The following LDAH variants were observed in gnomAD, a reference collection of about 807,000 sequenced individuals.
LDAH encodes lipid droplet associated hydrolase.
A neutral mutation model predicts 29.6 loss-of-function variants in LDAH; 26 were observed. The observed-to-expected ratio is 0.88, with a 90% confidence interval of 0.64 to 1.22. The LOEUF (loss-of-function observed/expected upper bound fraction) is 1.22. LDAH is among the 50% of genes most tolerant of loss of function. The probability of loss-of-function intolerance (pLI) is 0.00; values close to 1 mark genes in which losing one functional copy is unlikely to be tolerated. For missense variants in LDAH, 344 were observed against 387.3 expected (o/e 0.89, Z 0.94); for synonymous variants, 117 against 133.0 (o/e 0.88, Z 0.83).
At chr2:20,748,449 T>C (rs1434783754) in intron 4 of LDAH, among the ~76,000 whole-genome samples, 1 of 152,208 alleles carries the variant, frequency 6.6e-6, no homozygotes, top group East Asian at 1.9e-4. Flanking sequence ...TTCTCAAGCT[T>C]TTATCATTTT....
At chr2:20,817,578 T>C (rs1466682529) in intron 1 of LDAH, among the ~76,000 whole-genome samples, 2 of 152,148 alleles carry the variant, frequency 1.3e-5, no homozygotes, top group African/African-American at 4.8e-5. Context: ...TTAAAATCAA[T>C]GTAACTCACC....
At chr2:20,751,372 T>A (rs562714777) in intron 4 of LDAH, among the ~76,000 whole-genome samples, 1 of 152,292 alleles carries the variant, frequency 6.6e-6, no homozygotes, top group Non-Finnish European at 1.5e-5. Context: ...TTCCAGTTAG[T>A]CCTCCTATAG....
chr2:20,720,137 A>T (rs370227142), intron 5 of LDAH, among the ~76,000 whole-genome samples: 31 of 152,284 alleles, frequency 2.0e-4, no homozygotes, highest in African/African-American at 7.5e-4. Context: ...AAAGAAACAA[A>T]GAGTATCCAA....
chr2:20,736,544 G>A (rs970676202), intron 5 of LDAH, among the ~76,000 whole-genome samples: 4 of 152,124 alleles, frequency 2.6e-5, no homozygotes, highest in Non-Finnish European at 5.9e-5. Context: ...CCCTAAAGAT[G>A]TGTCTTGGGC....
chr2:20,785,672 T>C (rs2125056097), intron 3 of LDAH, among the ~76,000 whole-genome samples: 1 of 152,348 alleles, frequency 6.6e-6, no homozygotes, highest in South Asian at 2.1e-4. Flanking sequence ...CTTTTGAAAT[T>C]GTCCCACAAC....
intron 4 of LDAH, among the ~76,000 whole-genome samples, chr2:20,756,830 A>C (rs1668376283): frequency 6.6e-6 from 1 of 152,252 alleles, no homozygotes; most frequent in Non-Finnish European, 1.5e-5. Flanking sequence ...AAAAAGGATA[A>C]ATAGTCCAAG....
At chr2:20,739,668 T>A (rs1667035209) in intron 5 of LDAH, among the ~76,000 whole-genome samples, 1 of 152,198 alleles carries the variant, frequency 6.6e-6, no homozygotes, top group Admixed American at 6.5e-5. Context: ...ACACCAAGGA[T>A]TCCTGTAGGG....
intron 2 of LDAH, among the ~76,000 whole-genome samples, chr2:20,791,935 C>A (rs1243621079): frequency 6.6e-6 from 1 of 152,086 alleles, no homozygotes; most frequent in Admixed American, 6.6e-5. Flanking sequence ...CCAAATAATT[C>A]AGTTTATTTT....
At chr2:20,761,999 T>C (rs1668723991) in intron 4 of LDAH, among the ~76,000 whole-genome samples, 1 of 151,964 alleles carries the variant, frequency 6.6e-6, no homozygotes, top group African/African-American at 2.4e-5. Context: ...ACCACTAAAT[T>C]CATTTTATAA....
Position 20,701,575 on chromosome 2 carries a change from A to T in LDAH, c.781T>A (p.Cys261Ser). ...TGCAGCACTAAAGTGATTACCTTACATAAATGCTCCTTTATGGTTTCGTCA... is the reference window on the plus strand; with the variant it reads ...TGCAGCACTAAAGTGATTACCTTACTTAAATGCTCCTTTATGGTTTCGTCA... ...RDDETIKEHL[C>S]KLTFYYGTID... The change falls in exon 6 of 7, where the codon TGT (cysteine) becomes AGT (serine). Residue 261 changes from cysteine (C) to serine (S), a missense_variant. Cys to Ser is a moderately radical substitution (Grantham distance 112). Coordinates refer to ENST00000237822, the MANE Select transcript of LDAH (RefSeq NM_021925.4). 1 of 1,613,942 alleles carries T rather than the reference A, an allele frequency of 6.2e-7. No individual in the cohort carries two copies. Among genetic ancestry groups the T allele is most frequent in the Non-Finnish European group, 8.5e-7 (1 of 1,179,880 alleles).
chr2:20,803,604 C>T (rs570659697), intron 1 of LDAH, among the ~76,000 whole-genome samples: 7 of 152,286 alleles, frequency 4.6e-5, no homozygotes, highest in East Asian at 1.9e-4. Context: ...GTGGCCCTGC[C>T]GCACTGCCCT....
chr2:20,760,449 A>G (rs938205081), intron 4 of LDAH, among the ~76,000 whole-genome samples: 6 of 152,222 alleles, frequency 3.9e-5, no homozygotes, highest in African/African-American at 7.2e-5. Context: ...TCAGGAGTCC[A>G]GGCCTAGCTT....
At chr2:20,786,031 T>A (rs1361590397) in intron 3 of LDAH, among the ~76,000 whole-genome samples, 1 of 152,216 alleles carries the variant, frequency 6.6e-6, no homozygotes, top group Non-Finnish European at 1.5e-5. Context: ...TGATGCTTGC[T>A]TTGTCTCTTC....
chr2:20,753,484 T>C (rs1200771844), intron 4 of LDAH, among the ~76,000 whole-genome samples: 1 of 152,252 alleles, frequency 6.6e-6, no homozygotes, highest in African/African-American at 2.4e-5. Flanking sequence ...TTTTACAACA[T>C]ACAAAATAAA....
intron 4 of LDAH, among the ~76,000 whole-genome samples, chr2:20,763,573 C>T (rs951208018): frequency 6.6e-6 from 1 of 152,186 alleles, no homozygotes; most frequent in Non-Finnish European, 1.5e-5. Context: ...TTACTTACAA[C>T]TACAGTACTC....
chr2:20,813,870 G>A (rs1052650464), intron 1 of LDAH, among the ~76,000 whole-genome samples: 1 of 152,050 alleles, frequency 6.6e-6, no homozygotes, highest in South Asian at 2.1e-4. Context: ...TCTGTAAATT[G>A]TCTCTTCATA....
intron 4 of LDAH, among the ~76,000 whole-genome samples, chr2:20,747,471 T>C (rs1667654857): frequency 6.6e-6 from 1 of 152,134 alleles, no homozygotes; most frequent in Non-Finnish European, 1.5e-5. Flanking sequence ...ACATGCAATG[T>C]CAACCAGACA....
chr2:20,807,668 TAAAG>T (rs972205458), intron 1 of LDAH, among the ~76,000 whole-genome samples: 7 of 151,920 alleles, frequency 4.6e-5, no homozygotes. Flanking sequence ...AAGTGAGAAA[TAAAG>T]AAATCTTTTA....
chr2:20,808,755 T>C (rs896025952), intron 1 of LDAH, among the ~76,000 whole-genome samples: 1 of 150,796 alleles, frequency 6.6e-6, no homozygotes, highest in Non-Finnish European at 1.5e-5. Flanking sequence ...AAATATACCA[T>C]TATTGAAGAC....
Sources: allele counts gnomAD v4.1 joint callset (sites outside exome capture counted in the v4.1 genomes callset), GRCh38; gene constraint gnomAD v4.1.1; transcripts MANE v1.5; gene names NCBI Gene and HGNC (gene_info 2026-07-23, HGNC 2026-07-21).